COL11A2: variants seen among roughly 807,000 people sequenced by gnomAD.
COL11A2 encodes collagen alpha-2(XI) chain.
In COL11A2, 116 loss-of-function variants were observed where a neutral mutation model predicts 273.4. The observed-to-expected ratio is 0.42, with a 90% CI of 0.36 to 0.49. COL11A2 has a LOEUF of 0.49. Among genes scored for constraint, COL11A2 ranks in the 20% least tolerant of loss-of-function variants. The probability of loss-of-function intolerance (pLI) is 0.00; values close to 1 mark genes in which losing one functional copy is unlikely to be tolerated. For synonymous variants in COL11A2, 782 were observed against 864.2 expected (o/e 0.90, Z 1.67); for missense variants, 1,866 against 2,309.0 (o/e 0.81, Z 3.93).
rs573284335 is a variant in COL11A2, at chr6:33,176,179, C to T, written c.2214+80G>A. 2.8e-5 allele frequency: 45 copies of T among 1,602,276 alleles called. 1 individual carries two copies. Among genetic ancestry groups the T allele is most frequent in the South Asian group, 9.9e-5 (9 of 90,760 alleles). ...GGGGCTCGGGAGCTGGACGGCAGTG[C>T]GGGGCAGGCTGGAGGGAAGGCAGTG... On this transcript the variant is annotated intron_variant, in intron 28 of 65. Coordinates refer to ENST00000341947, the MANE Select transcript of COL11A2 (RefSeq NM_080680.3). This position sits in a 1 kb window ranked among gnomAD's most constrained non-coding sequence, Gnocchi z 4.9.
chr6:33,171,753 G>A lies in COL11A2; in HGVS notation c.3110C>T (p.Pro1037Leu), dbSNP rs1048400213. 6.8e-6 allele frequency: 11 copies of A among 1,612,724 alleles called. No homozygotes were observed. The highest frequency in any genetic ancestry group is 1.3e-5 in the African/African-American group (1 of 74,870). Residue 1037 changes from proline to leucine, a missense_variant, in exon 42 of 66, where the codon CCG (proline) becomes CTG (leucine). Transcript: ENST00000341947. Reference sequence around the variant, plus strand: ...TCCTGCTGCTCCAGGGGGACCCTGCGGGCCTGGGCGCCCTGGCGGACCAAT... The same window carrying A: ...TCCTGCTGCTCCAGGGGGACCCTGCAGGCCTGGGCGCCCTGGCGGACCAAT... Reference protein sequence around the residue: ...GPIGPPGRPGPQGPPGAAGEK... With the variant: ...GPIGPPGRPGLQGPPGAAGEK...
At chr6:33,174,257 G>C (rs1472971284) in intron 31 of COL11A2, 39 bp from the exon 32 acceptor site, 1 of 1,552,104 alleles carries the variant, frequency 6.4e-7, no homozygotes, top group Admixed American at 1.9e-5. Context: ...GAGAAGTTAT[G>C]AAAGGTAGGG....
Position 33,177,289 on chromosome 6 carries a change from T to A in COL11A2, c.1972-64A>T, listed in dbSNP as rs1362942144. On this transcript the variant is annotated intron_variant, in intron 23 of 65. Coordinates refer to ENST00000341947, the MANE Select transcript of COL11A2 (RefSeq NM_080680.3). The surrounding 1 kb of genome is among the most constrained non-coding windows in gnomAD (Gnocchi z 5.9). ...GGTCTCTTCTATCCAGCCTCCCGGA[T>A]TCAAAGCATGAGCAACAAGGGCCTG... The A allele has an allele frequency of 1.9e-6, 3 of 1,608,910 alleles. No individual in the cohort carries two copies. The highest frequency in any genetic ancestry group is 2.5e-6 in the Non-Finnish European group (3 of 1,176,858).
chr6:33,181,703 C>T (rs2150591112), intron 8 of COL11A2, among the ~76,000 whole-genome samples: 1 of 151,992 alleles, frequency 6.6e-6, no homozygotes, highest in South Asian at 2.1e-4. Context: ...CCAGGCTGGT[C>T]TCAAAGTCCT....
upstream of COL11A2, among the ~76,000 whole-genome samples, chr6:33,193,208 A>C (rs1193523393): frequency 6.6e-6 from 1 of 152,036 alleles, no homozygotes; most frequent in African/African-American, 2.4e-5. Context: ...ACGCCTGAGA[A>C]GCACGCAGCG....
chr6:33,180,554 C>T, intron 11 of COL11A2, 114 bp downstream of exon 11: 1 of 1,071,224 alleles, frequency 9.3e-7, no homozygotes, highest in Non-Finnish European at 1.4e-6. Context: ...GCACAACCAT[C>T]CCCTCATTCA....
chr6:33,168,900 C>A, intron 52 of COL11A2, 55 bp downstream of exon 52: 1 of 1,598,722 alleles, frequency 6.3e-7, no homozygotes, highest in South Asian at 1.1e-5. Flanking sequence ...CACAGAGGAC[C>A]CCCCCATAGA....
At chr6:33,172,247 C>T in intron 40 of COL11A2, 42 bp downstream of exon 40, 4 of 1,585,828 alleles carry the variant, frequency 2.5e-6, no homozygotes, top group Non-Finnish European at 3.4e-6. Flanking sequence ...ACTCAGGATG[C>T]TTGGTGCTTG....
In COL11A2 at chr6:33,163,385, T is replaced by C; in HGVS notation, c.*293A>G. On this transcript the variant is annotated 3_prime_UTR_variant, in exon 66 of 66. Coordinates refer to ENST00000341947, the MANE Select transcript of COL11A2 (RefSeq NM_080680.3). The surrounding 1 kb of genome is among the most constrained non-coding windows in gnomAD (Gnocchi z 4.1). ...AAAATACGCCATGTCCTTTCTCTTC[T>C]CTTCCATTTGTTTGGGGTGATTGGG... 1 of 535,190 alleles carries C rather than the reference T, an allele frequency of 1.9e-6. No individual in the cohort carries two copies. Among genetic ancestry groups the C allele is most frequent in the Non-Finnish European group, 3.3e-6 (1 of 299,948 alleles). 33.2% of individuals were successfully genotyped at this position (535,190 alleles called of 1,614,324 possible).
At chr6:33,187,557 A>C (rs1362722452) in intron 4 of COL11A2, among the ~76,000 whole-genome samples, 1 of 152,148 alleles carries the variant, frequency 6.6e-6, no homozygotes, top group East Asian at 1.9e-4. Flanking sequence ...CTGGGGGCTT[A>C]CATGCATTAA....
rs1351226076 is a variant in COL11A2 at position 33,190,920 on chromosome 6, T to C, written c.82+1239A>G. 6.6e-6 allele frequency among the ~76,000 whole-genome samples: 1 copy of C among 152,086 alleles called. No homozygotes were observed. Among genetic ancestry groups the C allele is most frequent in the African/African-American group, 2.4e-5 (1 of 41,408 alleles). On this transcript the variant is annotated intron_variant, in intron 1 of 65. Transcript: ENST00000341947. This position sits in a 1 kb window ranked among gnomAD's most constrained non-coding sequence, Gnocchi z 4.5. ...CACCATCTTCCCACACCAGGCCACATACTTGCCCCCCTGTATCCAGCCTCA... is the reference window on the plus strand; with the variant it reads ...CACCATCTTCCCACACCAGGCCACACACTTGCCCCCCTGTATCCAGCCTCA...
chr6:33,172,229 G>T (rs1770198298), intron 40 of COL11A2, 60 bp downstream of exon 40: 5 of 1,573,628 alleles, frequency 3.2e-6, no homozygotes, highest in African/African-American at 2.7e-5. Flanking sequence ...GACAGGGTCG[G>T]GGTGGGGACT....
chr6:33,165,945 G>A lies in COL11A2; in HGVS notation c.4468C>T (p.Pro1490Ser). Residue 1490 changes from proline (P) to serine (S), a missense_variant, in exon 62 of 66, where the codon CCT (proline) becomes TCT (serine). Physicochemically the swap from Pro to Ser is moderately conservative, Grantham distance 74. Transcript: ENST00000341947. This position sits in a 1 kb window ranked among gnomAD's most constrained non-coding sequence, Gnocchi z 7.7. ...TCCTCACTCACCGGGTGTCCTGGAG[G>A]GCCCTGCACACCCTTCTCTCCCTTG... ...GPKGEKGVQG[P>S]PGHPGPPGEV... The A allele has an allele frequency of 6.2e-7, 1 of 1,613,980 alleles. No homozygotes were observed. Among genetic ancestry groups the A allele is most frequent in the Non-Finnish European group, 8.5e-7 (1 of 1,180,010 alleles).
At position 33,176,924 on chromosome 6, in the gene COL11A2, A is replaced by G. The variant is rs1184817677; in HGVS notation, c.2070+68T>C. On this transcript the variant is annotated intron_variant, in intron 25 of 65. Coordinates refer to ENST00000341947, the MANE Select transcript of COL11A2 (RefSeq NM_080680.3). This position sits in a 1 kb window ranked among gnomAD's most constrained non-coding sequence, Gnocchi z 4.9. Reference sequence around the variant, plus strand: ...CTTTCAGTGCAAGGGTCACTAAAGGAGCTCTGAGGTCATGCACTGGGGTGG... The same window carrying G: ...CTTTCAGTGCAAGGGTCACTAAAGGGGCTCTGAGGTCATGCACTGGGGTGG... 3 of 1,562,960 alleles carry G rather than the reference A, an allele frequency of 1.9e-6. No homozygotes were observed. The highest frequency in any genetic ancestry group is 1.4e-5 in the African/African-American group (1 of 73,944).
Position 33,171,832 on chromosome 6 carries a change from G to A in COL11A2, c.3043-12C>T, listed in dbSNP as rs2150548385. On this transcript the variant is annotated splice_polypyrimidine_tract_variant and intron_variant, in intron 41 of 65. Transcript: ENST00000341947. Reference sequence around the variant, plus strand: ...TCCCCAGGGGAGCCCTGAGAAAGCAGATGGTCAGACCCCCAGGAAGGAGAC... The same window carrying A: ...TCCCCAGGGGAGCCCTGAGAAAGCAAATGGTCAGACCCCCAGGAAGGAGAC... 2 of 1,612,454 alleles carry A rather than the reference G, an allele frequency of 1.2e-6. No individual in the cohort carries two copies. Among genetic ancestry groups the A allele is most frequent in the Non-Finnish European group, 1.7e-6 (2 of 1,179,612 alleles).
In COL11A2 at chr6:33,166,618, A is replaced by G; in HGVS notation, c.4339-52T>C. On this transcript the variant is annotated intron_variant, in intron 59 of 65. Transcript: ENST00000341947. The surrounding 1 kb of genome is among the most constrained non-coding windows in gnomAD (Gnocchi z 4.8). ...TGGGTCCTCCTCCCACACCCTCCTG[A>G]GCACCTGCTCGCTTACCCACAGCTG... is the stretch of plus-strand genomic sequence containing the variant. 1 of 1,612,092 alleles carries G rather than the reference A, an allele frequency of 6.2e-7. No homozygotes were observed. The highest frequency in any genetic ancestry group is 1.1e-5 in the South Asian group (1 of 90,996).
Position 33,171,496 on chromosome 6 carries a change from G to A in COL11A2, c.3229C>T (p.Pro1077Ser), listed in dbSNP as rs1333060008. Residue 1077 changes from proline to serine, a missense_variant, in exon 43 of 66, where the codon CCA (proline) becomes TCA (serine). By Grantham distance (74) the Pro-to-Ser change is moderately conservative. Coordinates refer to ENST00000341947, the MANE Select transcript of COL11A2 (RefSeq NM_080680.3). ...PVGLPGPAGP[P>S]GVAGEDGDKG... The stretch of plus-strand genomic sequence containing the variant: ...TCTCCATCCTCTCCAGCCACACCTG[G>A]AGGCCCAGCAGGACCAGGAAGCCCC... 2 of 1,613,720 alleles carry A rather than the reference G, an allele frequency of 1.2e-6. No individual in the cohort carries two copies. Among genetic ancestry groups the A allele is most frequent in the African/African-American group, 1.3e-5 (1 of 74,838 alleles).
rs1770111788 is a variant in COL11A2 at position 33,171,772 on chromosome 6, G to A, written c.3091C>T (p.Pro1031Ser). 6.2e-7 allele frequency: 1 copy of A among 1,612,826 alleles called. No individual in the cohort carries two copies. The highest frequency in any genetic ancestry group is 8.5e-7 in the Non-Finnish European group (1 of 1,179,974). Reference protein sequence around the residue: ...GAAGSGGPIGPPGRPGPQGPP... With the variant: ...GAAGSGGPIGSPGRPGPQGPP... ...CCCTGCGGGCCTGGGCGCCCTGGCG[G>A]ACCAATGGGTCCCCCTGATCCTGCT... Residue 1031 changes from proline to serine, a missense_variant, in exon 42 of 66, where the codon CCG becomes TCG. Physicochemically the swap from Pro to Ser is moderately conservative, Grantham distance 74 (BLOSUM62 -1). Coordinates refer to ENST00000341947, the MANE Select transcript of COL11A2 (RefSeq NM_080680.3).
chr6:33,171,686 A>G, intron 42 of COL11A2, 27 bp downstream of exon 42: 1 of 1,598,142 alleles, frequency 6.3e-7, no homozygotes, highest in Non-Finnish European at 8.6e-7. Flanking sequence ...CCTCCCCAGT[A>G]CCCCTCCCCA....
Sources: gnomAD v4.1 joint callset for allele counts (sites outside exome capture counted in the v4.1 genomes callset) on GRCh38, gnomAD v4.1.1 for gene constraint, Gnocchi (gnomAD v3.1) non-coding constraint, MANE v1.5 for transcripts, NCBI Gene and HGNC (gene_info 2026-07-23, HGNC 2026-07-21) for gene names.